HOOK1: variants seen among roughly 807,000 people sequenced by gnomAD.
HOOK1 encodes the protein hook microtubule tethering protein 1, also known as protein Hook homolog 1.
In HOOK1, 60 loss-of-function variants were observed where a neutral mutation model predicts 112.8. The observed-to-expected ratio is 0.53, with a 90% CI of 0.43 to 0.66. The LOEUF (loss-of-function observed/expected upper bound fraction) is 0.66, where lower values mean the gene tolerates loss of function less well. Ranked by LOEUF, HOOK1 falls within the 30% of genes least tolerant of loss-of-function variation. HOOK1 has a pLI of 0.00. For missense variants in HOOK1, 770 were observed against 856.0 expected, an observed-to-expected ratio of 0.90 and a Z score of 1.25; for synonymous variants, 294 against 283.8, an observed-to-expected ratio of 1.04 and a Z score of -0.36.
chr1:59,855,379 G>A (rs376592677), intron 12 of HOOK1, among the ~76,000 whole-genome samples: 3 of 152,262 alleles, frequency 2.0e-5, no homozygotes, highest in East Asian at 1.9e-4. Flanking sequence ...GTGAGAACAC[G>A]TGGTATTTGG....
At chr1:59,816,422 G>A (rs1337375338) in intron 1 of HOOK1, among the ~76,000 whole-genome samples, 1 of 152,134 alleles carries the variant, frequency 6.6e-6, no homozygotes, top group Non-Finnish European at 1.5e-5. Context: ...TAGAAACAAG[G>A]CAACATTACT....
At chr1:59,816,114 G>T (rs1194653764) in intron 1 of HOOK1, among the ~76,000 whole-genome samples, 2 of 152,196 alleles carry the variant, frequency 1.3e-5, no homozygotes, top group Non-Finnish European at 1.5e-5. Flanking sequence ...GCGTCTAGGG[G>T]AGTGTGTGCA....
intron 6 of HOOK1, among the ~76,000 whole-genome samples, chr1:59,836,289 A>G (rs1013924357): frequency 1.3e-5 from 2 of 152,114 alleles, no homozygotes; most frequent in Non-Finnish European, 2.9e-5. Context: ...GATGGATTGC[A>G]GAGGAGACTT....
chr1:59,849,027 C>A (rs2098405663), intron 11 of HOOK1, 46 bp from the exon 12 acceptor site: 1 of 1,168,608 alleles, frequency 8.6e-7, no homozygotes, highest in Non-Finnish European at 1.3e-6. Flanking sequence ...GATTTATACA[C>A]TTATATACTT....
chr1:59,846,788 G>A (rs2098404304), intron 9 of HOOK1, among the ~76,000 whole-genome samples: 1 of 151,114 alleles, frequency 6.6e-6, no homozygotes, highest in Non-Finnish European at 1.5e-5. Flanking sequence ...GGAATGTGTT[G>A]TTTAATTTAC....
intron 12 of HOOK1, among the ~76,000 whole-genome samples, chr1:59,851,123 C>T (rs2098406937): frequency 6.6e-6 from 1 of 151,390 alleles, no homozygotes; most frequent in Non-Finnish European, 1.5e-5. Context: ...AGTTTTCAAA[C>T]TTTATTCTTC....
At position 59,872,806 on chromosome 1, in the gene HOOK1, C is replaced by A; in HGVS notation, c.2028C>A (p.Phe676Leu). ...TTTTTTTTTTTCAGAGTCTAGCATT[C>A]CAGAAACTGGGGATGGAATCTAGAC... ...VSAWYNKSLA[F>L]QKLGMESRLV... The change falls in exon 22 of 22, where the codon TTC becomes TTA. Residue 676 changes from phenylalanine (F) to leucine (L), a missense_variant. This residue lies in a region of HOOK1 where 111 missense variants were observed against 111.8 expected (regional missense o/e 0.99). Transcript: ENST00000371208. The A allele has an allele frequency of 7.0e-7, 1 of 1,423,776 alleles. No homozygotes were observed. Among genetic ancestry groups the A allele is most frequent in the South Asian group, 1.6e-5 (1 of 62,200 alleles). 88.2% of individuals were successfully genotyped at this position (1,423,776 alleles called of 1,614,324 possible).
chr1:59,835,244 T>C (rs1401832978), intron 5 of HOOK1, 101 bp from the exon 6 acceptor site: 10 of 712,316 alleles, frequency 1.4e-5, no homozygotes, highest in African/African-American at 3.7e-5. Context: ...CATAAAGGAT[T>C]ATCTGTGGGT....
At chr1:59,863,301 AAG>A in intron 16 of HOOK1, among the ~76,000 whole-genome samples, 2 of 152,294 alleles carry the variant, frequency 1.3e-5, no homozygotes, top group Admixed American at 6.5e-5. Flanking sequence ...CTAATAGGAA[AAG>A]AGAGAATGGG....
intron 6 of HOOK1, 140 bp from the exon 7 acceptor site, chr1:59,836,733 T>C (rs955314396): frequency 2.0e-6 from 1 of 492,160 alleles, no homozygotes; most frequent in Non-Finnish European, 3.6e-6. Context: ...AAAGTTTTTA[T>C]CTGAATAGCG....
Position 59,828,846 on chromosome 1 carries a change from A to T in HOOK1, c.216A>T (p.Arg72Ser), listed in dbSNP as rs764493491. ...RIKEDVGDNW[R>S]IKASNVKKVL... Reference sequence around the variant, plus strand: ...AAGAGGATGTTGGGGACAACTGGAGAATAAAGGTATGCAGAACAAATGGGA... The same window carrying T: ...AAGAGGATGTTGGGGACAACTGGAGTATAAAGGTATGCAGAACAAATGGGA... The change falls in exon 3 of 22, where the codon AGA becomes AGT. Residue 72 changes from arginine to serine, a missense_variant. Arg to Ser is a moderately radical substitution (Grantham distance 110, BLOSUM62 -1). Transcript: ENST00000371208. 2 of 1,612,460 alleles carry T rather than the reference A, an allele frequency of 1.2e-6. No homozygotes were observed.
chr1:59,870,822 A>G (rs1644044380), intron 20 of HOOK1: 2 of 420,538 alleles, frequency 4.8e-6, no homozygotes, highest in Non-Finnish European at 8.6e-6. Context: ...CTACCTGTAA[A>G]TTTCTTGAAA....
chr1:59,853,935 A>G lies in HOOK1; in HGVS notation c.1243-4493A>G, dbSNP rs372497894. ...ACTCATTAATACTGTTTTATAATTA[A>G]TGCTTTATACTATTGTCTTTTAAAT... On this transcript the variant is annotated intron_variant, in intron 12 of 21. Transcript: ENST00000371208. Among the ~76,000 whole-genome samples, 10 of 140,280 alleles carry G rather than the reference A, an allele frequency of 7.1e-5. 1 individual carries two copies. The highest frequency in any genetic ancestry group is 4.3e-4 in the East Asian group (2 of 4,620). The allele number at this position is 140,280 out of a possible 152,430, so 92.0% of individuals were successfully genotyped here. A position where few individuals can be genotyped will look rare whatever the true frequency, so the allele number is the denominator to read the frequency against.
chr1:59,842,989 G>A (rs1479014585), intron 8 of HOOK1, among the ~76,000 whole-genome samples: 3 of 151,918 alleles, frequency 2.0e-5, no homozygotes, highest in African/African-American at 7.2e-5. Context: ...TGTGATATGT[G>A]ACTGATAATT....
intron 11 of HOOK1, 53 bp downstream of exon 11, chr1:59,848,569 T>C: frequency 2.3e-6 from 3 of 1,301,346 alleles, no homozygotes; most frequent in Non-Finnish European, 3.3e-6. Flanking sequence ...TTAACTTTGT[T>C]ATTCCTTTTG....
At chr1:59,850,272 C>T (rs941565081) in intron 12 of HOOK1, among the ~76,000 whole-genome samples, 5 of 150,940 alleles carry the variant, frequency 3.3e-5, no homozygotes, top group Non-Finnish European at 3.0e-5. Context: ...GATACAAGTT[C>T]CTTGTCAGGT....
At chr1:59,819,331 GTA>G (rs995704624) in intron 1 of HOOK1, among the ~76,000 whole-genome samples, 1 of 151,652 alleles carries the variant, frequency 6.6e-6, no homozygotes, top group African/African-American at 2.4e-5. Flanking sequence ...TGTATTTTTA[GTA>G]GAGACAGGGT....
chr1:59,845,856 A>C (rs2098403493), intron 9 of HOOK1, among the ~76,000 whole-genome samples: 1 of 151,890 alleles, frequency 6.6e-6, no homozygotes, highest in South Asian at 2.1e-4. Flanking sequence ...AGGATTTATC[A>C]GAGTTCTACT....
intron 12 of HOOK1, among the ~76,000 whole-genome samples, chr1:59,854,744 T>C (rs1472347715): frequency 6.6e-6 from 1 of 152,232 alleles, no homozygotes; most frequent in African/African-American, 2.4e-5. Context: ...TTTCAGCAGT[T>C]TGACTTTGAT....
Sources: gnomAD v4.1 joint callset for allele counts (sites outside exome capture counted in the v4.1 genomes callset) on GRCh38, gnomAD v4.1.1 for gene constraint, gnomAD v4.1.1 regional missense constraint, MANE v1.5 for transcripts, NCBI Gene and HGNC (gene_info 2026-07-23, HGNC 2026-07-21) for gene names.